SLC44A1: variants seen among roughly 807,000 people sequenced by gnomAD.
SLC44A1 encodes solute carrier family 44 member 1.
SLC44A1 carries 26 observed loss-of-function variants against 79.3 expected under a neutral mutation model. The ratio of observed to expected loss-of-function variants is 0.33; its 90% CI spans 0.24 to 0.46. The LOEUF (loss-of-function observed/expected upper bound fraction) is 0.46, where lower values mean the gene tolerates loss of function less well. Ranked by LOEUF, SLC44A1 falls within the 20% of genes least tolerant of loss-of-function variation. SLC44A1 has a pLI of 1.00. For synonymous variants in SLC44A1, 263 were observed against 286.2 expected (o/e 0.92, Z 0.82); for missense variants, 688 against 798.1 (o/e 0.86, Z 1.66).
intron 1 of SLC44A1, among the ~76,000 whole-genome samples, chr9:105,282,530 A>G (rs1397261205): frequency 6.6e-6 from 1 of 151,964 alleles, no homozygotes. Context: ...TTGCTTCTTA[A>G]TAATAGATTG....
At chr9:105,387,775 G>A (rs1301931412) in intron 15 of SLC44A1, among the ~76,000 whole-genome samples, 2 of 152,090 alleles carry the variant, frequency 1.3e-5, no homozygotes, top group African/African-American at 4.8e-5. Flanking sequence ...ATTCTTTAAT[G>A]AATGGTAGAT....
At chr9:105,400,494 AG>A (rs1302514021), downstream of SLC44A1, among the ~76,000 whole-genome samples, 60 of 46,714 alleles carry the variant, frequency 1.3e-3, no homozygotes, top group East Asian at 5.8e-3. Flanking sequence ...TCTCAAAAAA[AG>A]AAAAAGAAAA....
At position 105,363,042 on chromosome 9, in the gene SLC44A1, C is replaced by T. The variant is rs955437682; in HGVS notation, c.1087+35C>T. ...TAAGCTTCTTTCTCTTAGTGACAAA[C>T]GTGATTTGCATTCCAGTATTTTAGA... is the stretch of plus-strand genomic sequence containing the variant. On this transcript the variant is annotated intron_variant, in intron 9 of 15. Transcript: ENST00000374720. 22 of 1,471,296 alleles carry T rather than the reference C, an allele frequency of 1.5e-5. No individual in the cohort carries two copies. The East Asian group carries it at 1.9e-4, about 12-fold the overall frequency. The allele number at this position is 1,471,296 out of a possible 1,614,324, so 91.1% of individuals were successfully genotyped here. A position where few individuals can be genotyped will look rare whatever the true frequency, so the allele number is the denominator to read the frequency against.
chr9:105,413,818 T>A (rs1829129914), intron 15 of SLC44A1, among the ~76,000 whole-genome samples: 1 of 152,130 alleles, frequency 6.6e-6, no homozygotes, highest in Non-Finnish European at 1.5e-5. Context: ...AAGATGGACT[T>A]AACCCCAGGA....
intron 15 of SLC44A1, among the ~76,000 whole-genome samples, chr9:105,413,922 G>A (rs1427261763): frequency 6.6e-6 from 1 of 151,998 alleles, no homozygotes; most frequent in Non-Finnish European, 1.5e-5. Context: ...TGAGCACAGA[G>A]TGAAAGGCTA....
chr9:105,331,898 C>G (rs1018289984), intron 3 of SLC44A1, among the ~76,000 whole-genome samples: 1 of 152,114 alleles, frequency 6.6e-6, no homozygotes, highest in African/African-American at 2.4e-5. Context: ...GTTTTAACAT[C>G]TTTGGAATAG....
chr9:105,349,354 A>G (rs1827335955), intron 5 of SLC44A1, among the ~76,000 whole-genome samples: 1 of 152,154 alleles, frequency 6.6e-6, no homozygotes, highest in African/African-American at 2.4e-5. Context: ...TTTGAGACTC[A>G]TGTCTACTTT....
intron 1 of SLC44A1, among the ~76,000 whole-genome samples, chr9:105,274,550 AT>A (rs1830156387): frequency 6.6e-6 from 1 of 152,224 alleles, no homozygotes; most frequent in South Asian, 2.1e-4. Context: ...TACCTTGGCT[AT>A]TGTTAACTAA....
chr9:105,282,443 T>A (rs1830375143), intron 1 of SLC44A1, among the ~76,000 whole-genome samples: 1 of 152,204 alleles, frequency 6.6e-6, no homozygotes, highest in African/African-American at 2.4e-5. Flanking sequence ...AATGTCAAAG[T>A]TGGAAAGGAC....
At chr9:105,331,051 T>C (rs914568705) in intron 3 of SLC44A1, among the ~76,000 whole-genome samples, 1 of 152,246 alleles carries the variant, frequency 6.6e-6, no homozygotes. Context: ...CTGTTACTGC[T>C]TCTTGTCTTT....
rs1828742116 is a variant in SLC44A1 at position 105,390,610 on chromosome 9, AAAGGGTT to A, written c.*1555_*1561del. On this transcript the variant is annotated 3_prime_UTR_variant, in exon 16 of 16. Coordinates refer to ENST00000374720, the MANE Select transcript of SLC44A1 (RefSeq NM_080546.5). ...GCCGTTTGCTAATGTGCTTCCTTTC[AAAGGGTT>A]GGACCTTTAAATTGCTGCAAAAGGT... is the stretch of plus-strand genomic sequence containing the variant. 1.0e-6 allele frequency: 1 copy of A among 985,684 alleles called. No homozygotes were observed. Among genetic ancestry groups the A allele is most frequent in the African/African-American group, 1.7e-5 (1 of 57,228 alleles). The allele number at this position is 985,684 out of a possible 1,614,324, so 61.1% of individuals were successfully genotyped here. A position where few individuals can be genotyped will look rare whatever the true frequency, so the allele number is the denominator to read the frequency against.
At chr9:105,305,927 A>T (rs1331232711) in intron 2 of SLC44A1, among the ~76,000 whole-genome samples, 4 of 147,140 alleles carry the variant, frequency 2.7e-5, no homozygotes, top group African/African-American at 1.0e-4. Flanking sequence ...ACCTTGTGAT[A>T]TGAAGGGAAA....
chr9:105,339,975 A>G (rs1201499389), intron 4 of SLC44A1, among the ~76,000 whole-genome samples: 1 of 152,214 alleles, frequency 6.6e-6, no homozygotes, highest in East Asian at 1.9e-4. Flanking sequence ...GTCAGTCATA[A>G]AGAGACTGCA....
At chr9:105,311,047 T>C (rs1217214954) in intron 3 of SLC44A1, among the ~76,000 whole-genome samples, 1 of 152,230 alleles carries the variant, frequency 6.6e-6, no homozygotes, top group African/African-American at 2.4e-5. Context: ...TCTCTTGATA[T>C]GCACCTGTAT....
At chr9:105,416,294 TA>T (rs527373222) in intron 15 of SLC44A1, among the ~76,000 whole-genome samples, 7,197 of 136,538 alleles carry the variant, frequency 0.053, 223 homozygotes, top group African/African-American at 0.1. Context: ...CCAGGCAAGA[TA>T]AAAAAAAAAA....
At chr9:105,302,822 G>A (rs1830916273) in intron 2 of SLC44A1, among the ~76,000 whole-genome samples, 1 of 152,152 alleles carries the variant, frequency 6.6e-6, no homozygotes, top group African/African-American at 2.4e-5. Context: ...TGATATGAGT[G>A]GGTTTAGAAA....
chr9:105,347,956 C>T (rs1025074517), intron 4 of SLC44A1, among the ~76,000 whole-genome samples: 9 of 152,042 alleles, frequency 5.9e-5, no homozygotes, highest in Non-Finnish European at 1.2e-4. Flanking sequence ...TCTACTCCTA[C>T]TAGCTCTGTG....
At position 105,391,790 on chromosome 9, in the gene SLC44A1, G is replaced by A. The variant is rs1384623325; in HGVS notation, c.*2734G>A. The A allele has an allele frequency of 2.0e-6, 2 of 985,212 alleles. No individual in the cohort carries two copies. Among genetic ancestry groups the A allele is most frequent in the Non-Finnish European group, 2.4e-6 (2 of 829,890 alleles). The allele number at this position is 985,212 out of a possible 1,614,324, so 61.0% of individuals were successfully genotyped here. On this transcript the variant is annotated 3_prime_UTR_variant, in exon 16 of 16. Transcript: ENST00000374720. The stretch of plus-strand genomic sequence containing the variant: ...AAGAACAGAAATTTCTCTGTGAAAT[G>A]TGGATACCCGAATAATTTCATAAAT...
intron 1 of SLC44A1, among the ~76,000 whole-genome samples, chr9:105,251,200 C>T (rs1477974364): frequency 6.6e-6 from 1 of 152,132 alleles, no homozygotes; most frequent in African/African-American, 2.4e-5. Flanking sequence ...AAATCGTACC[C>T]CTCACCCCCG....
Sources: gnomAD v4.1 joint callset for allele counts (sites outside exome capture counted in the v4.1 genomes callset) on GRCh38, gnomAD v4.1.1 for gene constraint, MANE v1.5 for transcripts, NCBI Gene and HGNC (gene_info 2026-07-23, HGNC 2026-07-21) for gene names.